The following EEF2K variants were observed in gnomAD, a reference collection of about 807,000 sequenced individuals.
EEF2K encodes alternative protein EEF2K.
In EEF2K, 70 loss-of-function variants were observed where a neutral mutation model predicts 93.8. The observed-to-expected ratio is 0.75, with a 90% CI of 0.62 to 0.91. The LOEUF (loss-of-function observed/expected upper bound fraction) is 0.91, where lower values mean the gene tolerates loss of function less well. Ranked by LOEUF, EEF2K falls within the 40% of genes least tolerant of loss-of-function variation. EEF2K has a pLI of 0.00. For synonymous variants in EEF2K, 376 were observed against 380.8 expected, an observed-to-expected ratio of 0.99 and a Z score of 0.15; for missense variants, 935 against 972.9, an observed-to-expected ratio of 0.96 and a Z score of 0.52.
intron 15 of EEF2K, among the ~76,000 whole-genome samples, chr16:22,273,141 G>T (rs1252791881): frequency 6.6e-6 from 1 of 152,208 alleles, no homozygotes; most frequent in Non-Finnish European, 1.5e-5. Context: ...TTAGGCAGTG[G>T]TACAGCTCCA....
At chr16:22,210,819 T>C (rs1339666133) in intron 1 of EEF2K, among the ~76,000 whole-genome samples, 8 of 151,986 alleles carry the variant, frequency 5.3e-5, no homozygotes, top group Non-Finnish European at 1.2e-4. Context: ...ACAGAGGGCA[T>C]AGCATGTTCA....
chr16:22,238,947 A>T (rs970796488), intron 2 of EEF2K, among the ~76,000 whole-genome samples: 11 of 152,134 alleles, frequency 7.2e-5, no homozygotes, highest in African/African-American at 2.7e-4. Context: ...TGCAGGGGCC[A>T]CAAAAAAGTG....
intron 1 of EEF2K, among the ~76,000 whole-genome samples, chr16:22,225,094 G>T (rs924685016): frequency 1.3e-5 from 2 of 152,178 alleles, no homozygotes; most frequent in African/African-American, 4.8e-5. Context: ...TGTGAGCTGT[G>T]AGCTCAATGA....
At chr16:22,244,797 G>A in intron 3 of EEF2K, 67 bp downstream of exon 3, 1 of 1,529,514 alleles carries the variant, frequency 6.5e-7, no homozygotes, top group Non-Finnish European at 9.0e-7. Context: ...TTCCCAATCA[G>A]TGAGGCCTAA....
chr16:22,243,641 A>C (rs529487527), intron 2 of EEF2K, among the ~76,000 whole-genome samples: 1 of 151,850 alleles, frequency 6.6e-6, no homozygotes. Flanking sequence ...GTTTCATCTC[A>C]TTAAAATAAT....
intron 1 of EEF2K, among the ~76,000 whole-genome samples, chr16:22,217,214 T>TATAGATAG (rs199518061): frequency 1.4e-4 from 19 of 133,382 alleles, no homozygotes; most frequent in Admixed American, 8.3e-4. Flanking sequence ...TAGTGATATA[T>TATAGATAG]ATAGATAGAT....
intron 16 of EEF2K, among the ~76,000 whole-genome samples, chr16:22,275,225 C>T (rs1353329582): frequency 2.0e-5 from 3 of 151,992 alleles, no homozygotes; most frequent in Non-Finnish European, 4.4e-5. Flanking sequence ...CCTTTTATTT[C>T]CATTTGAGGT....
intron 1 of EEF2K, among the ~76,000 whole-genome samples, chr16:22,211,188 C>G (rs2046910362): frequency 6.6e-6 from 1 of 152,184 alleles, no homozygotes; most frequent in Non-Finnish European, 1.5e-5. Context: ...CACTTTGCTC[C>G]ACTCTGTTGA....
intron 13 of EEF2K, 97 bp downstream of exon 13, chr16:22,264,977 T>C (rs752636032): frequency 3.0e-5 from 43 of 1,442,322 alleles, no homozygotes; most frequent in Non-Finnish European, 3.7e-5. Flanking sequence ...TGCCTGCCCA[T>C]CTGTCTTGCA....
chr16:22,276,493 A>G (rs1047239824), intron 16 of EEF2K, among the ~76,000 whole-genome samples: 3 of 152,144 alleles, frequency 2.0e-5, no homozygotes, highest in African/African-American at 7.2e-5. Flanking sequence ...AGGGCCAGCT[A>G]TGGGTAAGGC....
chr16:22,267,488 G>C (rs1014604046), intron 15 of EEF2K, among the ~76,000 whole-genome samples: 1 of 152,010 alleles, frequency 6.6e-6, no homozygotes, highest in Non-Finnish European at 1.5e-5. Context: ...CCACCTACTC[G>C]GGAGGCTGAG....
At chr16:22,261,865 C>T (rs1050493557) in intron 11 of EEF2K, among the ~76,000 whole-genome samples, 1 of 150,412 alleles carries the variant, frequency 6.6e-6, no homozygotes, top group Non-Finnish European at 1.5e-5. Flanking sequence ...ATTAGCCAGG[C>T]ATGGTGGCAT....
In EEF2K at chr16:22,257,695, C is replaced by T. The variant is rs191224579; in HGVS notation, c.954C>T (p.Cys318=). 237 of 1,613,948 alleles carry T rather than the reference C, an allele frequency of 1.5e-4. 3 individuals carry two copies. The East Asian group carries it at 3.9e-3, about 26-fold the overall frequency. ...ACTCTCATGCCTGCAACCGGATTTG[C>T]GAGAGCATGGGCCTTGCTCCCTTTG... ...FFYSHACNRI[C]ESMGLAPFDL... is the part of the protein sequence containing the mutation. Residue 318 remains cysteine, a synonymous_variant, in exon 9 of 18, where the codon TGC becomes TGT. Coordinates refer to ENST00000263026, the MANE Select transcript of EEF2K (RefSeq NM_013302.5).
chr16:22,263,230 T>G, intron 12 of EEF2K, 43 bp downstream of exon 12: 1 of 1,562,216 alleles, frequency 6.4e-7, no homozygotes, highest in Non-Finnish European at 8.7e-7. Context: ...ACCTGTTGCC[T>G]TGTTTATCCT....
rs757343577 is a variant in EEF2K at position 22,244,228 on chromosome 16, C to CTA, written c.247-389_247-388dup. The stretch of plus-strand genomic sequence containing the variant: ...TGGGTGACAGAGTGAGACTCTGTTT[C>CTA]TATATATATATATACGTTATATTCT... On this transcript the variant is annotated intron_variant, in intron 2 of 17. Transcript: ENST00000263026. Among the ~76,000 whole-genome samples, 332 of 143,322 alleles carry CTA rather than the reference C, an allele frequency of 2.3e-3. 2 individuals are homozygous for CTA. Among genetic ancestry groups the CTA allele is most frequent in the Middle Eastern group, 7.1e-3 (2 of 280 alleles). The allele number at this position is 143,322 out of a possible 152,430, so 94.0% of individuals were successfully genotyped here. A position where few individuals can be genotyped will look rare whatever the true frequency, so the allele number is the denominator to read the frequency against.
chr16:22,215,306 G>C (rs1450924441), intron 1 of EEF2K, among the ~76,000 whole-genome samples: 1 of 152,134 alleles, frequency 6.6e-6, no homozygotes, highest in African/African-American at 2.4e-5. Context: ...ATCAGCCTTA[G>C]GTTCCCTGCC....
chr16:22,283,891 C>A lies in EEF2K; in HGVS notation c.2073C>A (p.Asp691Glu). ...CCCCCCTTTGCTGTCTTTCAGGGGA[C>A]TTGTATACCCAGGCAGCAGAGGCAG... ...GLEKDPQRSG[D>E]LYTQAAEAAM... is the part of the protein sequence containing the mutation. The change falls in exon 18 of 18, where the codon GAC (aspartate) becomes GAA (glutamate). Residue 691 changes from aspartate (D) to glutamate (E), a missense_variant. Physicochemically the swap from Asp to Glu is conservative, Grantham distance 45. Coordinates refer to ENST00000263026, the MANE Select transcript of EEF2K (RefSeq NM_013302.5). 6.3e-7 allele frequency: 1 copy of A among 1,591,448 alleles called. No individual in the cohort carries two copies. The highest frequency in any genetic ancestry group is 1.1e-5 in the South Asian group (1 of 87,242).
At chr16:22,242,618 A>T (rs1448285450) in intron 2 of EEF2K, among the ~76,000 whole-genome samples, 3 of 151,668 alleles carry the variant, frequency 2.0e-5, no homozygotes, top group Non-Finnish European at 4.4e-5. Flanking sequence ...GGCTACTCTC[A>T]ATAGGTTTTG....
intron 16 of EEF2K, among the ~76,000 whole-genome samples, chr16:22,276,518 G>C (rs1295255437): frequency 6.6e-6 from 1 of 152,152 alleles, no homozygotes. Flanking sequence ...CTCTGTGCAG[G>C]CCCAAATTTG....
Sources: gnomAD v4.1 joint callset for allele counts (sites outside exome capture counted in the v4.1 genomes callset) on GRCh38, gnomAD v4.1.1 for gene constraint, MANE v1.5 for transcripts, NCBI Gene and HGNC (gene_info 2026-07-23, HGNC 2026-07-21) for gene names.